NEURL1: variants seen among roughly 807,000 people sequenced by gnomAD.
The protein encoded by NEURL1 is neuralized E3 ubiquitin protein ligase 1, also known as E3 ubiquitin-protein ligase NEURL1.
Under a neutral mutation model 41.2 loss-of-function variants are expected in NEURL1, and 26 were observed. That is an observed-to-expected ratio of 0.63 (90% confidence interval 0.46 to 0.87). The LOEUF (loss-of-function observed/expected upper bound fraction) is 0.87. NEURL1 is among the 40% of genes least tolerant of loss of function. The pLI is 0.00. For synonymous variants in NEURL1, 400 were observed against 402.3 expected (o/e 0.99, Z 0.07); for missense variants, 761 against 871.1 (o/e 0.87, Z 1.59).
rs1462615901 is a variant in NEURL1, at chr10:103,494,363, G to A, written c.-25G>A. The A allele has an allele frequency of 1.3e-6, 2 of 1,560,388 alleles. No homozygotes were observed. Among genetic ancestry groups the A allele is most frequent in the South Asian group, 1.2e-5 (1 of 85,472 alleles). On this transcript the variant is annotated 5_prime_UTR_variant, in exon 1 of 6. Transcript: ENST00000369780. ...CCCGGCCTCGCCCCCACCCGCGAGC[G>A]CCGAACCTCCTGGGGCCGGATGCCA...
chr10:103,586,906 C>G (rs1039734987), intron 4 of NEURL1, among the ~76,000 whole-genome samples: 1 of 152,092 alleles, frequency 6.6e-6, no homozygotes, highest in African/African-American at 2.4e-5. Flanking sequence ...AAAAATTTAG[C>G]TGGGTGTGGT....
chr10:103,578,122 C>T (rs2035704024), intron 3 of NEURL1, among the ~76,000 whole-genome samples: 3 of 152,106 alleles, frequency 2.0e-5, no homozygotes, highest in Admixed American at 2.0e-4. Flanking sequence ...CTTGACTTGG[C>T]CACTCATTAG....
At chr10:103,543,115 G>C (rs1592209641) in intron 1 of NEURL1, among the ~76,000 whole-genome samples, 1 of 152,270 alleles carries the variant, frequency 6.6e-6, no homozygotes, top group South Asian at 2.1e-4. Flanking sequence ...TTTAATCCGG[G>C]AGAAGCTGGG....
chr10:103,517,179 A>G (rs2034235784), intron 1 of NEURL1, among the ~76,000 whole-genome samples: 2 of 152,150 alleles, frequency 1.3e-5, no homozygotes, highest in Admixed American at 1.3e-4. Flanking sequence ...AGCATGTGCT[A>G]CCACGCTCAG....
chr10:103,561,054 G>A (rs1034745590), intron 1 of NEURL1, among the ~76,000 whole-genome samples: 2 of 152,162 alleles, frequency 1.3e-5, no homozygotes, highest in African/African-American at 2.4e-5. Context: ...TGGCTGCTTC[G>A]CAAGGCTTGC....
intron 4 of NEURL1, chr10:103,588,994 G>C: frequency 2.3e-6 from 1 of 437,240 alleles, no homozygotes; most frequent in Non-Finnish European, 4.5e-6. Flanking sequence ...GGAGGAAGGA[G>C]GGGAGGAGAG....
chr10:103,527,420 A>G (rs915187850), intron 1 of NEURL1, among the ~76,000 whole-genome samples: 2 of 150,336 alleles, frequency 1.3e-5, no homozygotes, highest in African/African-American at 2.5e-5. Context: ...TCAGCCTTCC[A>G]AGTAGCTGGG....
At position 103,513,804 on chromosome 10, in the gene NEURL1, G is replaced by A. The variant is rs533971242; in HGVS notation, c.85+19332G>A. Among the ~76,000 whole-genome samples, 5 of 152,230 alleles carry A rather than the reference G, an allele frequency of 3.3e-5. No individual in the cohort carries two copies. The South Asian group carries it at 1.0e-3, about 32-fold the overall frequency. On this transcript the variant is annotated intron_variant, in intron 1 of 5. Transcript: ENST00000369780. ...GACAGGGGTGCGGATGAATCTGGCT[G>A]GAGTGGTCTGCAGCTTGGGAATCCC... is the stretch of plus-strand genomic sequence containing the variant.
intron 3 of NEURL1, among the ~76,000 whole-genome samples, chr10:103,578,611 G>C (rs1302142450): frequency 6.6e-6 from 1 of 152,244 alleles, no homozygotes; most frequent in Non-Finnish European, 1.5e-5. Flanking sequence ...CACTAGACCA[G>C]ATGATTCTAT....
chr10:103,563,852 C>A (rs2035359940), intron 1 of NEURL1, among the ~76,000 whole-genome samples: 1 of 152,202 alleles, frequency 6.6e-6, no homozygotes. Context: ...GGGTTCAGAT[C>A]TGGGCTCCTC....
At chr10:103,533,464 G>T (rs1202045026) in intron 1 of NEURL1, among the ~76,000 whole-genome samples, 1 of 151,348 alleles carries the variant, frequency 6.6e-6, no homozygotes, top group African/African-American at 2.4e-5. Context: ...CTGCCTCCTA[G>T]GTTCAAGTGA....
intron 1 of NEURL1, chr10:103,555,231 TG>T (rs2035122183): frequency 4.1e-6 from 3 of 735,654 alleles, no homozygotes; most frequent in Non-Finnish European, 3.1e-6. Context: ...TGGGGGCGCG[TG>T]GGGGCGCGGG....
At chr10:103,521,348 C>T (rs989930335) in intron 1 of NEURL1, among the ~76,000 whole-genome samples, 7 of 152,118 alleles carry the variant, frequency 4.6e-5, no homozygotes, top group African/African-American at 1.7e-4. Flanking sequence ...GTGGGAAAGG[C>T]CTCTACCCAT....
intron 1 of NEURL1, among the ~76,000 whole-genome samples, chr10:103,557,480 C>T (rs140582964): frequency 2.6e-5 from 4 of 152,236 alleles, no homozygotes; most frequent in Admixed American, 6.5e-5. Flanking sequence ...CATCAGTGAG[C>T]GCTCATCAAA....
chr10:103,534,769 G>T (rs1592203602), intron 1 of NEURL1, among the ~76,000 whole-genome samples: 1 of 152,098 alleles, frequency 6.6e-6, no homozygotes, highest in African/African-American at 2.4e-5. Context: ...TGGGGCTGGG[G>T]TCCTAGGCTG....
intron 3 of NEURL1, among the ~76,000 whole-genome samples, chr10:103,574,498 A>G (rs2035616520): frequency 6.6e-6 from 1 of 152,184 alleles, no homozygotes; most frequent in African/African-American, 2.4e-5. Context: ...GCCAAAAGCA[A>G]CACCTTTCCC....
At chr10:103,513,770 G>C (rs1213827794) in intron 1 of NEURL1, among the ~76,000 whole-genome samples, 1 of 140,788 alleles carries the variant, frequency 7.1e-6, no homozygotes, top group African/African-American at 2.5e-5. Context: ...TGAGGGTGGG[G>C]GGTGGGAGGA....
intron 4 of NEURL1, among the ~76,000 whole-genome samples, chr10:103,587,590 G>T (rs1214534650): frequency 6.6e-6 from 1 of 152,214 alleles, no homozygotes; most frequent in Non-Finnish European, 1.5e-5. Flanking sequence ...GCTTGGCTTT[G>T]TGGCTAGCCT....
chr10:103,518,626 G>T (rs1029233969), intron 1 of NEURL1, among the ~76,000 whole-genome samples: 1 of 152,250 alleles, frequency 6.6e-6, no homozygotes, highest in Admixed American at 6.5e-5. Flanking sequence ...ACAGCACTTT[G>T]AATAGGTTGG....
Sources: gnomAD v4.1 joint callset for allele counts (sites outside exome capture counted in the v4.1 genomes callset) on GRCh38, gnomAD v4.1.1 for gene constraint, MANE v1.5 for transcripts, NCBI Gene and HGNC (gene_info 2026-07-23, HGNC 2026-07-21) for gene names.